The following ICE1 variants were observed in gnomAD, a reference collection of about 807,000 sequenced individuals.
ICE1 encodes the protein interactor of little elongation complex ELL subunit 1.
In ICE1, 64 loss-of-function variants were observed where a neutral mutation model predicts 192.7. The observed-to-expected ratio is 0.33, with a 90% confidence interval of 0.27 to 0.41. ICE1 has a LOEUF of 0.41. Among genes scored for constraint, ICE1 ranks in the 10% least tolerant of loss-of-function variants. The pLI is 1.00. For missense variants in ICE1, 2,708 were observed against 2,696.0 expected (o/e 1.00, Z -0.10); for synonymous variants, 1,010 against 984.5 (o/e 1.03, Z -0.49).
chr5:5,486,910 TG>T, intron 18 of ICE1, 91 bp downstream of exon 18: 1 of 825,994 alleles, frequency 1.2e-6, no homozygotes, highest in East Asian at 2.7e-5. Context: ...TGCTGTGCTC[TG>T]TGCTTTGCTT....
intron 18 of ICE1, among the ~76,000 whole-genome samples, chr5:5,487,321 A>G (rs1408286031): frequency 6.6e-6 from 1 of 152,220 alleles, no homozygotes; most frequent in African/African-American, 2.4e-5. Context: ...ATTGCATAGC[A>G]TGTAATTTTA....
At chr5:5,429,352 G>C (rs1178438381) in intron 1 of ICE1, among the ~76,000 whole-genome samples, 1 of 152,100 alleles carries the variant, frequency 6.6e-6, no homozygotes, top group Non-Finnish European at 1.5e-5. Context: ...CCAGAAATCC[G>C]AGTCCTCAGG....
intron 15 of ICE1, among the ~76,000 whole-genome samples, chr5:5,472,534 A>G (rs1367669936): frequency 2.0e-5 from 3 of 152,198 alleles, no homozygotes; most frequent in Non-Finnish European, 1.5e-5. Flanking sequence ...CAGGTTGCGA[A>G]GTCACTGATT....
At chr5:5,457,982 A>G (rs1579560015) in intron 12 of ICE1, among the ~76,000 whole-genome samples, 1 of 152,302 alleles carries the variant, frequency 6.6e-6, no homozygotes, top group Non-Finnish European at 1.5e-5. Context: ...TCCACAGCCA[A>G]ATTACAAGTT....
At chr5:5,447,691 A>G (rs568474928) in intron 8 of ICE1, 30 bp from the exon 9 acceptor site, 60 of 1,546,688 alleles carry the variant, frequency 3.9e-5, no homozygotes, top group Non-Finnish European at 4.7e-5. Context: ...CTTATTCAGC[A>G]TAAACACTAT....
intron 1 of ICE1, among the ~76,000 whole-genome samples, chr5:5,432,284 C>T (rs1298504478): frequency 2.0e-5 from 3 of 152,192 alleles, no homozygotes; most frequent in Admixed American, 6.5e-5. Context: ...CTCTAGAATA[C>T]ACGTGGACTT....
Position 5,441,183 on chromosome 5 carries a change from A to G in ICE1, c.269A>G (p.Glu90Gly). Residue 90 changes from glutamate to glycine, a missense_variant, in exon 5 of 19, where the codon GAA becomes GGA. Physicochemically the swap from Glu to Gly is moderately conservative, Grantham distance 98. Transcript: ENST00000296564. ...QKISPLQKCQ[E>G]ELGSLKAELE... ...ATTTCTCCTCTACAGAAATGTCAGGAAGAACTGGGATCTTTAAAAGCAGAG... is the reference window on the plus strand; with the variant it reads ...ATTTCTCCTCTACAGAAATGTCAGGGAGAACTGGGATCTTTAAAAGCAGAG... 6.4e-7 allele frequency: 1 copy of G among 1,564,198 alleles called. No individual in the cohort carries two copies. The highest frequency in any genetic ancestry group is 1.7e-4 in the Middle Eastern group (1 of 6,002).
At chr5:5,478,684 G>C (rs1739411388) in intron 17 of ICE1, among the ~76,000 whole-genome samples, 1 of 152,048 alleles carries the variant, frequency 6.6e-6, no homozygotes, top group African/African-American at 2.4e-5. Context: ...TGTCACAGTA[G>C]ACTTCAAACT....
chr5:5,428,202 G>T (rs550828624), intron 1 of ICE1, among the ~76,000 whole-genome samples: 1 of 152,124 alleles, frequency 6.6e-6, no homozygotes, highest in Non-Finnish European at 1.5e-5. Flanking sequence ...TGGTGGGTGG[G>T]TGTGGTTGGG....
chr5:5,469,075 T>G, intron 15 of ICE1, 87 bp downstream of exon 15: 1 of 909,110 alleles, frequency 1.1e-6, no homozygotes, highest in Non-Finnish European at 1.5e-6. Context: ...AGTTTTATAT[T>G]AGTTCATAGG....
At chr5:5,446,920 C>A (rs1021942078) in intron 7 of ICE1, among the ~76,000 whole-genome samples, 4 of 152,046 alleles carry the variant, frequency 2.6e-5, no homozygotes, top group Non-Finnish European at 4.4e-5. Flanking sequence ...TGAAGGATTA[C>A]CTAAAATAGA....
intron 1 of ICE1, 142 bp from the exon 2 acceptor site, chr5:5,436,276 C>A: frequency 2.0e-6 from 1 of 503,746 alleles, no homozygotes; most frequent in Non-Finnish European, 3.4e-6. Context: ...TCAGATTGTG[C>A]TCTACACAAT....
chr5:5,450,551 T>G (rs539522276), intron 10 of ICE1, among the ~76,000 whole-genome samples: 5 of 152,276 alleles, frequency 3.3e-5, no homozygotes, highest in African/African-American at 1.2e-4. Flanking sequence ...AGAGAACACA[T>G]GGAATATTCA....
chr5:5,479,534 G>A (rs1451382436), intron 17 of ICE1, among the ~76,000 whole-genome samples: 1 of 152,214 alleles, frequency 6.6e-6, no homozygotes, highest in Non-Finnish European at 1.5e-5. Flanking sequence ...AGACAGTGTG[G>A]TGATTCTCAA....
chr5:5,443,119 G>A (rs1186691492), intron 5 of ICE1, 49 bp from the exon 6 acceptor site: 7 of 1,066,470 alleles, frequency 6.6e-6, no homozygotes, highest in Non-Finnish European at 6.8e-6. Context: ...ATGACCAATG[G>A]TCAGTGACTT....
Position 5,490,030 on chromosome 5 carries a change from T to C in ICE1, c.*700T>C, listed in dbSNP as rs1284074415. 1 of 152,250 alleles carries C rather than the reference T, an allele frequency of 6.6e-6. No individual in the cohort carries two copies. Among genetic ancestry groups the C allele is most frequent in the Admixed American group, 6.5e-5 (1 of 15,282 alleles). 9.4% of individuals were successfully genotyped at this position (152,250 alleles called of 1,614,324 possible). ...TCACAGATGAGCGCAGGCAGAGCTC[T>C]GTGTGCCGTGTACATATGGACCGTG... is the stretch of plus-strand genomic sequence containing the variant. On this transcript the variant is annotated 3_prime_UTR_variant, in exon 19 of 19. Coordinates refer to ENST00000296564, the MANE Select transcript of ICE1 (RefSeq NM_015325.3).
chr5:5,460,364 TA>T, intron 12 of ICE1, 71 bp from the exon 13 acceptor site: 1 of 948,060 alleles, frequency 1.1e-6, no homozygotes, highest in Non-Finnish European at 1.6e-6. Flanking sequence ...TTTTAAAAAA[TA>T]ATGCATTTAA....
At position 5,463,602 on chromosome 5, in the gene ICE1, A is replaced by G; in HGVS notation, c.4268A>G (p.Asn1423Ser). Reference protein sequence around the residue: ...DQNLVIEKGDNWTIISGVAVL... With the variant: ...DQNLVIEKGDSWTIISGVAVL... ...AATCTAGTCATTGAAAAGGGGGACA[A>G]CTGGACAATCATCAGTGGTGTAGCT... Residue 1423 changes from asparagine to serine, a missense_variant, in exon 13 of 19, where the codon AAC (asparagine) becomes AGC (serine). Coordinates refer to ENST00000296564, the MANE Select transcript of ICE1 (RefSeq NM_015325.3). 1 of 1,614,030 alleles carries G rather than the reference A, an allele frequency of 6.2e-7. No homozygotes were observed. The highest frequency in any genetic ancestry group is 8.5e-7 in the Non-Finnish European group (1 of 1,179,894).
Position 5,422,692 on chromosome 5 carries a change from C to G in ICE1, c.-224C>G. 3.0e-6 allele frequency: 1 copy of G among 336,350 alleles called. No homozygotes were observed. 20.8% of individuals were successfully genotyped at this position (336,350 alleles called of 1,614,324 possible). On this transcript the variant is annotated 5_prime_UTR_variant, in exon 1 of 19. Coordinates refer to ENST00000296564, the MANE Select transcript of ICE1 (RefSeq NM_015325.3). ...GGCCCTGACTGGACTGCGTCGCGCT[C>G]GGGGGCCGCGCCGGGTAGCGTTTCT...
Sources: gnomAD v4.1 joint callset for allele counts (sites outside exome capture counted in the v4.1 genomes callset) on GRCh38, gnomAD v4.1.1 for gene constraint, MANE v1.5 for transcripts, NCBI Gene and HGNC (gene_info 2026-07-23, HGNC 2026-07-21) for gene names.